Variants in PPP1R12B observed in about 807,000 individuals in gnomAD.
PPP1R12B encodes the protein protein phosphatase 1 regulatory subunit 12B.
Under a neutral mutation model 126.1 loss-of-function variants are expected in PPP1R12B, and 76 were observed. The observed-to-expected ratio is 0.60, with a 90% CI of 0.50 to 0.73. The LOEUF (loss-of-function observed/expected upper bound fraction) is 0.73. Ranked by LOEUF, PPP1R12B falls within the 30% of genes least tolerant of loss-of-function variation. The pLI is 0.00. For missense variants in PPP1R12B, 1,052 were observed against 1,205.1 expected, an observed-to-expected ratio of 0.87 and a Z score of 1.88; for synonymous variants, 356 against 434.7, an observed-to-expected ratio of 0.82 and a Z score of 2.25.
chr1:202,428,988 A>G (rs1443949240), intron 6 of PPP1R12B, 59 bp downstream of exon 6: 10 of 1,399,750 alleles, frequency 7.1e-6, no homozygotes, highest in Non-Finnish European at 9.9e-6. Flanking sequence ...CACACCAAGT[A>G]TCTCAATCAC....
At chr1:202,485,575 C>T (rs1678000211) in intron 13 of PPP1R12B, among the ~76,000 whole-genome samples, 1 of 152,080 alleles carries the variant, frequency 6.6e-6, no homozygotes, top group African/African-American at 2.4e-5. Context: ...TGGTGATCTC[C>T]AGCTTACGTT....
At chr1:202,417,474 T>C (rs1244035537) in intron 2 of PPP1R12B, 1 of 943,274 alleles carries the variant, frequency 1.1e-6, no homozygotes, top group Non-Finnish European at 1.3e-6. Context: ...GAGCTACTAA[T>C]CTCCAGGACA....
At chr1:202,495,849 G>A (rs1307346252) in intron 17 of PPP1R12B, among the ~76,000 whole-genome samples, 167 bp downstream of exon 17, 1 of 152,180 alleles carries the variant, frequency 6.6e-6, no homozygotes, top group Non-Finnish European at 1.5e-5. Flanking sequence ...GGACTCATTT[G>A]GTATGTTCCT....
chr1:202,353,967 T>C (rs757346509), intron 1 of PPP1R12B, among the ~76,000 whole-genome samples: 1 of 152,120 alleles, frequency 6.6e-6, no homozygotes. Context: ...TTTGGGCTTT[T>C]AGAATCTTCT....
At chr1:202,512,742 A>G (rs1029225307) in intron 18 of PPP1R12B, among the ~76,000 whole-genome samples, 3 of 152,088 alleles carry the variant, frequency 2.0e-5, no homozygotes, top group South Asian at 4.1e-4. Context: ...GCTTTCATAC[A>G]TGGTATTTTC....
chr1:202,432,734 A>G (rs1262117841), intron 8 of PPP1R12B, among the ~76,000 whole-genome samples: 1 of 152,232 alleles, frequency 6.6e-6, no homozygotes, highest in Non-Finnish European at 1.5e-5. Flanking sequence ...TTTCACTGCC[A>G]TATTATCCCT....
chr1:202,483,596 C>T (rs187797866), intron 13 of PPP1R12B, among the ~76,000 whole-genome samples: 1 of 152,126 alleles, frequency 6.6e-6, no homozygotes, highest in East Asian at 1.9e-4. Context: ...TTTACTGAAG[C>T]TAGAGGCAAG....
chr1:202,554,847 A>G (rs550089654), intron 18 of PPP1R12B, among the ~76,000 whole-genome samples: 95 of 151,896 alleles, frequency 6.3e-4, no homozygotes, highest in African/African-American at 2.1e-3. Context: ...TAGGTCATCA[A>G]CTTCCTAGGT....
chr1:202,427,271 G>T, intron 5 of PPP1R12B, 87 bp downstream of exon 5: 1 of 1,560,440 alleles, frequency 6.4e-7, no homozygotes. Context: ...TTCAATGGCA[G>T]TCTGACTGTT....
In PPP1R12B at chr1:202,427,152, G is replaced by A; in HGVS notation, c.814G>A (p.Ala272Thr). Residue 272 changes from alanine to threonine, a missense_variant, in exon 5 of 24, where the codon GCA becomes ACA. By Grantham distance (58) the Ala-to-Thr change is moderately conservative. Transcript: ENST00000608999. ...VKEACSILAEALCDMDIRNKL... is the reference protein window; with the variant it reads ...VKEACSILAETLCDMDIRNKL... Reference sequence around the variant, plus strand: ...GGAGGCTTGCTCCATCCTGGCAGAAGCACTTTGTGACATGGATATTCGAAA... The same window carrying A: ...GGAGGCTTGCTCCATCCTGGCAGAAACACTTTGTGACATGGATATTCGAAA... 1 of 1,614,110 alleles carries A rather than the reference G, an allele frequency of 6.2e-7. No homozygotes were observed.
chr1:202,532,441 A>G (rs1387660357), intron 18 of PPP1R12B, among the ~76,000 whole-genome samples: 14 of 152,338 alleles, frequency 9.2e-5, no homozygotes, highest in African/African-American at 3.4e-4. Context: ...GCCCGTATTC[A>G]AGATAGAGTG....
intron 1 of PPP1R12B, among the ~76,000 whole-genome samples, chr1:202,364,657 A>G (rs929343127): frequency 8.6e-5 from 13 of 151,950 alleles, no homozygotes; most frequent in African/African-American, 2.9e-4. Context: ...GCTCACTGCA[A>G]GCTCCGCCTC....
chr1:202,452,442 T>C (rs1457980406), intron 13 of PPP1R12B, among the ~76,000 whole-genome samples: 5 of 152,164 alleles, frequency 3.3e-5, no homozygotes, highest in Non-Finnish European at 7.4e-5. Flanking sequence ...CACAGGCACT[T>C]GGCAGGCTGA....
At chr1:202,531,222 G>A (rs532088358) in intron 18 of PPP1R12B, among the ~76,000 whole-genome samples, 7 of 152,128 alleles carry the variant, frequency 4.6e-5, no homozygotes, top group South Asian at 2.1e-4. Context: ...ATAAAACGTC[G>A]CTATAAAAGC....
chr1:202,350,574 A>G (rs967159046), intron 1 of PPP1R12B, among the ~76,000 whole-genome samples: 1 of 151,976 alleles, frequency 6.6e-6, no homozygotes, highest in Admixed American at 6.6e-5. Flanking sequence ...TCTAAACTTT[A>G]AATTTCTGAA....
intron 13 of PPP1R12B, among the ~76,000 whole-genome samples, chr1:202,453,566 G>C (rs1163451372): frequency 6.6e-6 from 1 of 152,062 alleles, no homozygotes; most frequent in Non-Finnish European, 1.5e-5. Context: ...GAAGCCATCA[G>C]GTCCCACGTG....
At position 202,579,559 on chromosome 1, in the gene PPP1R12B, T is replaced by A. The variant is rs906899957; in HGVS notation, c.2863-915T>A. 6.6e-5 allele frequency among the ~76,000 whole-genome samples: 10 copies of A among 152,270 alleles called. 1 individual carries two copies. Among genetic ancestry groups the A allele is most frequent in the African/African-American group, 1.9e-4 (8 of 41,478 alleles). On this transcript the variant is annotated intron_variant, in intron 23 of 23. Coordinates refer to ENST00000608999, the MANE Select transcript of PPP1R12B (RefSeq NM_002481.4). Reference sequence around the variant, plus strand: ...AGATGCACAGCGTACTTGTTGAAAGTGCCTGATCATGTAACAAAGACTTGA... The same window carrying A: ...AGATGCACAGCGTACTTGTTGAAAGAGCCTGATCATGTAACAAAGACTTGA...
chr1:202,430,605 C>G (rs1293430158), intron 6 of PPP1R12B, 126 bp from the exon 7 acceptor site: 1 of 895,288 alleles, frequency 1.1e-6, no homozygotes, highest in Non-Finnish European at 1.6e-6. Context: ...TCTCGGGTTC[C>G]CCACTACCTC....
chr1:202,591,019 C>T lies in PPP1R12B; in HGVS notation c.*10459C>T, dbSNP rs1427545307. On this transcript the variant is annotated 3_prime_UTR_variant, in exon 24 of 24. Coordinates refer to ENST00000608999, the MANE Select transcript of PPP1R12B (RefSeq NM_002481.4). ...CATCACCTCACCAGACAGATGCTCTCTCAACTCTTGCCTCAATTTGTCTCT... is the reference window on the plus strand; with the variant it reads ...CATCACCTCACCAGACAGATGCTCTTTCAACTCTTGCCTCAATTTGTCTCT... The T allele has an allele frequency of 6.6e-6, 1 of 152,350 alleles. No individual in the cohort carries two copies. Among genetic ancestry groups the T allele is most frequent in the East Asian group, 1.9e-4 (1 of 5,194 alleles). The allele number at this position is 152,350 out of a possible 1,614,324, so 9.4% of individuals were successfully genotyped here.
Sources: allele counts gnomAD v4.1 joint callset (sites outside exome capture counted in the v4.1 genomes callset), GRCh38; gene constraint gnomAD v4.1.1; transcripts MANE v1.5; gene names NCBI Gene and HGNC (gene_info 2026-07-23, HGNC 2026-07-21).